The following RABGAP1L variants were observed in gnomAD, a reference collection of about 807,000 sequenced individuals.
RABGAP1L encodes the protein RAB GTPase activating protein 1 like.
A neutral mutation model predicts 137.7 loss-of-function variants in RABGAP1L; 63 were observed. That is an observed-to-expected ratio of 0.46 (90% CI 0.37 to 0.56). The LOEUF is 0.56. RABGAP1L is among the 20% of genes least tolerant of loss of function. The pLI, the probability that RABGAP1L is intolerant of heterozygous loss-of-function variation, is 0.00. For synonymous variants in RABGAP1L, 431 were observed against 433.7 expected (o/e 0.99, Z 0.08); for missense variants, 1,095 against 1,244.0 (o/e 0.88, Z 1.80).
intron 12 of RABGAP1L, among the ~76,000 whole-genome samples, chr1:174,384,792 A>G (rs539279757): frequency 9.9e-5 from 15 of 152,256 alleles, no homozygotes; most frequent in African/African-American, 3.6e-4. Flanking sequence ...TGCTCAATTC[A>G]TATTTATTGA....
At chr1:174,957,862 A>G (rs1484593642) in intron 20 of RABGAP1L, 2 of 1,546,090 alleles carry the variant, frequency 1.3e-6, no homozygotes, top group Non-Finnish European at 1.8e-6. Flanking sequence ...ACTCCCAAAT[A>G]GCCAACCATA....
intron 11 of RABGAP1L, among the ~76,000 whole-genome samples, chr1:174,328,844 G>T (rs1680773770): frequency 6.6e-6 from 1 of 152,026 alleles, no homozygotes; most frequent in Admixed American, 6.6e-5. Context: ...AGCAAAAGCA[G>T]TCCTTAGAGG....
At chr1:174,630,859 A>AT (rs1413936161) in intron 13 of RABGAP1L, among the ~76,000 whole-genome samples, 4 of 139,024 alleles carry the variant, frequency 2.9e-5, no homozygotes, top group African/African-American at 1.1e-4. Context: ...GGATTCATTG[A>AT]TTTTTTGAAG....
chr1:174,462,636 GGTA>G (rs2149285083), intron 13 of RABGAP1L, among the ~76,000 whole-genome samples: 1 of 152,192 alleles, frequency 6.6e-6, no homozygotes, highest in East Asian at 1.9e-4. Flanking sequence ...TCATCACCGA[GGTA>G]GTGAGCATAG....
chr1:174,273,150 T>G (rs571591572), intron 8 of RABGAP1L, among the ~76,000 whole-genome samples: 1 of 152,218 alleles, frequency 6.6e-6, no homozygotes, highest in Admixed American at 6.5e-5. Flanking sequence ...ACTGAAATTC[T>G]TATATTTAGT....
At chr1:174,301,959 C>T (rs547009085) in intron 10 of RABGAP1L, among the ~76,000 whole-genome samples, 1 of 152,138 alleles carries the variant, frequency 6.6e-6, no homozygotes, top group African/African-American at 2.4e-5. Context: ...TTTAAACTGC[C>T]TTTTGGCTTG....
At chr1:174,686,661 T>C (rs1214063519) in intron 15 of RABGAP1L, among the ~76,000 whole-genome samples, 1 of 109,540 alleles carries the variant, frequency 9.1e-6, no homozygotes, top group Non-Finnish European at 1.6e-5. Flanking sequence ...TTTTTTTTTT[T>C]TTTTTTTTTT....
At chr1:174,406,181 T>G (rs1055396960) in intron 13 of RABGAP1L, among the ~76,000 whole-genome samples, 1 of 152,170 alleles carries the variant, frequency 6.6e-6, no homozygotes, top group Non-Finnish European at 1.5e-5. Context: ...TCTATAGTGA[T>G]ATCTACATAT....
chr1:174,979,035 G>A, intron 23 of RABGAP1L, 145 bp downstream of exon 23: 1 of 1,208,376 alleles, frequency 8.3e-7, no homozygotes, highest in Non-Finnish European at 1.1e-6. Flanking sequence ...AAATTTTTTA[G>A]TTAGCCAGGC....
intron 13 of RABGAP1L, among the ~76,000 whole-genome samples, chr1:174,525,561 A>G (rs1255726623): frequency 2.0e-5 from 3 of 152,038 alleles, no homozygotes; most frequent in Admixed American, 2.0e-4. Flanking sequence ...TAGTTTTTCT[A>G]AACATAAGAT....
At chr1:174,782,028 A>T (rs1232982926) in intron 18 of RABGAP1L, among the ~76,000 whole-genome samples, 4 of 152,208 alleles carry the variant, frequency 2.6e-5, no homozygotes, top group African/African-American at 9.6e-5. Context: ...CTTTTGGCTT[A>T]GGATTGACTT....
intron 20 of RABGAP1L, 153 bp downstream of exon 20, chr1:174,957,702 C>A: frequency 1.1e-6 from 1 of 928,978 alleles, no homozygotes; most frequent in Non-Finnish European, 1.7e-6. Context: ...CAGGCACGAG[C>A]CACCATTCCC....
At chr1:174,957,596 TA>T in intron 20 of RABGAP1L, 47 bp downstream of exon 20, 1 of 1,485,890 alleles carries the variant, frequency 6.7e-7, no homozygotes, top group Non-Finnish European at 9.3e-7. Flanking sequence ...TTTTTTGTTT[TA>T]AATGAGACTG....
intron 5 of RABGAP1L, chr1:174,244,852 G>C (rs945471458): frequency 1.3e-5 from 2 of 152,174 alleles, no homozygotes; most frequent in African/African-American, 2.4e-5. Context: ...ATGCAAAGCA[G>C]ATTTTGATGA....
At chr1:174,256,796 A>G (rs1673168311) in intron 7 of RABGAP1L, among the ~76,000 whole-genome samples, 1 of 152,050 alleles carries the variant, frequency 6.6e-6, no homozygotes, top group Non-Finnish European at 1.5e-5. Flanking sequence ...ACAAAACAAA[A>G]CAAAACAACC....
chr1:174,305,549 C>A (rs1253970675), intron 11 of RABGAP1L, among the ~76,000 whole-genome samples: 3 of 151,324 alleles, frequency 2.0e-5, no homozygotes, highest in Non-Finnish European at 4.4e-5. Flanking sequence ...TGCTTGGCTA[C>A]TTTTTTTTGT....
intron 13 of RABGAP1L, among the ~76,000 whole-genome samples, chr1:174,499,351 T>C (rs1376723808): frequency 1.3e-5 from 2 of 152,236 alleles, no homozygotes; most frequent in African/African-American, 4.8e-5. Flanking sequence ...AATTAGTGTA[T>C]ACCGTTCATA....
At chr1:174,466,401 G>A (rs2149295302) in intron 13 of RABGAP1L, among the ~76,000 whole-genome samples, 1 of 152,202 alleles carries the variant, frequency 6.6e-6, no homozygotes, top group East Asian at 1.9e-4. Flanking sequence ...TAAGGCCATA[G>A]GTCTACCTCA....
intron 19 of RABGAP1L, among the ~76,000 whole-genome samples, chr1:174,910,810 A>G (rs1659937519): frequency 6.6e-6 from 1 of 152,224 alleles, no homozygotes; most frequent in Admixed American, 6.5e-5. Flanking sequence ...TATTTTGGGT[A>G]TATACCTAGG....
Sources: gnomAD v4.1 joint callset for allele counts (sites outside exome capture counted in the v4.1 genomes callset) on GRCh38, gnomAD v4.1.1 for gene constraint, MANE v1.5 for transcripts, NCBI Gene and HGNC (gene_info 2026-07-23, HGNC 2026-07-21) for gene names.